The following CDK13 variants were observed in gnomAD, a reference collection of about 807,000 sequenced individuals.
CDK13 encodes cyclin-dependent kinase 13.
In CDK13, 40 loss-of-function variants were observed where a neutral mutation model predicts 137.6. That is an observed-to-expected ratio of 0.29 (90% confidence interval 0.23 to 0.38). The LOEUF (loss-of-function observed/expected upper bound fraction) is 0.38. Ranked by LOEUF, CDK13 falls within the 10% of genes least tolerant of loss-of-function variation. The probability of loss-of-function intolerance (pLI) is 1.00; values close to 1 mark genes in which losing one functional copy is unlikely to be tolerated. For synonymous variants in CDK13, 869 were observed against 760.1 expected (o/e 1.14, Z -2.36); for missense variants, 1,704 against 1,951.8 (o/e 0.87, Z 2.39).
intron 5 of CDK13, among the ~76,000 whole-genome samples, chr7:40,043,358 C>T (rs545799104): frequency 9.7e-4 from 148 of 152,254 alleles, no homozygotes; most frequent in African/African-American, 3.5e-3. Flanking sequence ...TGACACAGGT[C>T]AGATTAATTT....
chr7:39,966,616 C>T (rs1261930078), intron 1 of CDK13, among the ~76,000 whole-genome samples: 1 of 152,144 alleles, frequency 6.6e-6, no homozygotes, highest in Non-Finnish European at 1.5e-5. Flanking sequence ...CTGAACTCGT[C>T]GAAGTCATTC....
chr7:40,094,263 T>C lies in CDK13; in HGVS notation c.3822T>C (p.Asp1274=). 6.2e-7 allele frequency: 1 copy of C among 1,612,592 alleles called. No homozygotes were observed. The highest frequency in any genetic ancestry group is 8.5e-7 in the Non-Finnish European group (1 of 1,179,452). ...AACCACCACCAGTCACTGAGGAAGA[T>C]CTAGATTATCGGACAGAAAACCAGC... ...PPEPPPVTEE[D]LDYRTENQHV... Residue 1274 remains aspartate (D), a synonymous_variant, in exon 14 of 14, where the codon GAT becomes GAC. Coordinates refer to ENST00000181839, the MANE Select transcript of CDK13 (RefSeq NM_003718.5).
At chr7:39,981,703 TAA>T (rs1414815624) in intron 1 of CDK13, among the ~76,000 whole-genome samples, 2 of 151,702 alleles carry the variant, frequency 1.3e-5, no homozygotes, top group African/African-American at 4.8e-5. Context: ...TGTAGAGAAA[TAA>T]AAGAGTTGGA....
chr7:40,002,765 C>T (rs1221747973), intron 5 of CDK13, among the ~76,000 whole-genome samples: 1 of 151,908 alleles, frequency 6.6e-6, no homozygotes, highest in Non-Finnish European at 1.5e-5. Flanking sequence ...AACTTTTTCT[C>T]AAACTAAATC....
intron 9 of CDK13, among the ~76,000 whole-genome samples, chr7:40,076,197 G>A (rs1355885817): frequency 6.6e-6 from 1 of 152,044 alleles, no homozygotes; most frequent in Non-Finnish European, 1.5e-5. Context: ...TTGATTAATT[G>A]TGTTTACATG....
At chr7:40,019,542 C>G (rs1785069773) in intron 5 of CDK13, among the ~76,000 whole-genome samples, 1 of 152,082 alleles carries the variant, frequency 6.6e-6, no homozygotes, top group African/African-American at 2.4e-5. Flanking sequence ...TCTTTTCTTT[C>G]AAGGCCTCAA....
At position 40,097,795 on chromosome 7, in the gene CDK13, C is replaced by A. The variant is rs1787076920; in HGVS notation, c.*2815C>A. The A allele has an allele frequency of 6.6e-6, 1 of 152,026 alleles. No individual in the cohort carries two copies. Among genetic ancestry groups the A allele is most frequent in the Non-Finnish European group, 1.5e-5 (1 of 67,958 alleles). The allele number at this position is 152,026 out of a possible 1,614,324, so 9.4% of individuals were successfully genotyped here. A position where few individuals can be genotyped will look rare whatever the true frequency, so the allele number is the denominator to read the frequency against. On this transcript the variant is annotated 3_prime_UTR_variant, in exon 14 of 14. Coordinates refer to ENST00000181839, the MANE Select transcript of CDK13 (RefSeq NM_003718.5). ...GGAGAGTTGCAAGTCATTTGTGAAA[C>A]CTTAAAATGCCAATTTTAAGGAGTT...
intron 1 of CDK13, among the ~76,000 whole-genome samples, chr7:39,962,755 AG>A (rs1442475139): frequency 1.3e-5 from 2 of 151,556 alleles, no homozygotes; most frequent in African/African-American, 4.8e-5. Flanking sequence ...CTAGGCTTTT[AG>A]GTCTAACATT....
At chr7:39,998,317 C>T (rs1371984477) in intron 3 of CDK13, 1 of 149,310 alleles carries the variant, frequency 6.7e-6, no homozygotes, top group Non-Finnish European at 1.5e-5. Flanking sequence ...AGGTCATTTT[C>T]TAAACTGGCC....
At chr7:39,969,364 T>C (rs1783945726) in intron 1 of CDK13, among the ~76,000 whole-genome samples, 1 of 152,200 alleles carries the variant, frequency 6.6e-6, no homozygotes, top group South Asian at 2.1e-4. Context: ...CAGAAGTGAT[T>C]TTTAAAAATA....
At chr7:39,962,248 A>T (rs956503845) in intron 1 of CDK13, among the ~76,000 whole-genome samples, 2 of 152,206 alleles carry the variant, frequency 1.3e-5, no homozygotes, top group African/African-American at 4.8e-5. Flanking sequence ...TTTACAGTCC[A>T]CCAACAGTGT....
At chr7:39,998,823 A>G (rs771750637) in intron 3 of CDK13, 1 of 151,818 alleles carries the variant, frequency 6.6e-6, no homozygotes, top group Non-Finnish European at 1.5e-5. Flanking sequence ...GGTTATATTA[A>G]TATCTTTTGT....
chr7:39,998,795 C>T (rs1337436535), intron 3 of CDK13: 3 of 151,984 alleles, frequency 2.0e-5, no homozygotes, highest in East Asian at 3.9e-4. Flanking sequence ...TCTGCTTAAA[C>T]GTGGCTTCCT....
chr7:40,037,092 TGTTA>T (rs1452020161), intron 5 of CDK13, among the ~76,000 whole-genome samples: 10 of 152,308 alleles, frequency 6.6e-5, no homozygotes, highest in South Asian at 2.1e-4. Context: ...TTCCTTTGGG[TGTTA>T]GTTAGCTTGT....
At position 39,957,786 on chromosome 7, in the gene CDK13, T is replaced by C. The variant is rs187265482; in HGVS notation, c.1211+5934T>C. ...AAAGAGAAAATTTTCTGAGCAGACA[T>C]TATGTCAAACTTATTTCCCAACTCT... is the stretch of plus-strand genomic sequence containing the variant. On this transcript the variant is annotated intron_variant, in intron 1 of 13. Transcript: ENST00000181839. 2.0e-5 allele frequency among the ~76,000 whole-genome samples: 3 copies of C among 152,316 alleles called. No homozygotes were observed. In the East Asian group the frequency reaches 5.8e-4, roughly 29 times the overall value.
At chr7:40,049,211 G>A (rs1368378720) in intron 7 of CDK13, 1 of 148,084 alleles carries the variant, frequency 6.8e-6, no homozygotes, top group Non-Finnish European at 1.5e-5. Flanking sequence ...AAAAAAGGAA[G>A]GGAGGAGAGA....
chr7:40,009,281 A>G (rs1356382717), intron 5 of CDK13, among the ~76,000 whole-genome samples: 1 of 152,254 alleles, frequency 6.6e-6, no homozygotes, highest in African/African-American at 2.4e-5. Context: ...TGTAGCCTGA[A>G]CTATATTTTA....
In CDK13 at chr7:39,951,549, A is replaced by T; in HGVS notation, c.908A>T (p.Asp303Val). ...GAACCGCCCAAGGCCTACCGGGAGG[A>T]CAAGACCGAGCCTAAGGCCTACAGG... is the stretch of plus-strand genomic sequence containing the variant. ...YKEPPKAYRE[D>V]KTEPKAYRRR... Residue 303 changes from aspartate to valine, a missense_variant, in exon 1 of 14, where the codon GAC (aspartate) becomes GTC (valine). This residue lies in a region of CDK13 where 1,051 missense variants were observed against 931.0 expected (regional missense o/e 1.13). Coordinates refer to ENST00000181839, the MANE Select transcript of CDK13 (RefSeq NM_003718.5). 1.3e-6 allele frequency: 2 copies of T among 1,538,966 alleles called. No homozygotes were observed. The highest frequency in any genetic ancestry group is 2.5e-5 in the East Asian group (1 of 39,410).
intron 6 of CDK13, among the ~76,000 whole-genome samples, chr7:40,047,063 A>C (rs1178358675): frequency 6.6e-6 from 1 of 152,044 alleles, no homozygotes; most frequent in Non-Finnish European, 1.5e-5. Flanking sequence ...ATGCATATAA[A>C]ATAATACTTA....
Sources: allele counts gnomAD v4.1 joint callset (sites outside exome capture counted in the v4.1 genomes callset), GRCh38; gene constraint gnomAD v4.1.1; regional missense constraint gnomAD v4.1.1; transcripts MANE v1.5; gene names NCBI Gene and HGNC (gene_info 2026-07-23, HGNC 2026-07-21).